Variants in ERCC2 observed in about 807,000 individuals in gnomAD.
ERCC2 encodes the protein ERCC excision repair 2, TFIIH core complex helicase subunit.
In ERCC2, 90 loss-of-function variants were observed where a neutral mutation model predicts 99.4. That is an observed-to-expected ratio of 0.91 (90% CI 0.76 to 1.08). The LOEUF is 1.08. ERCC2 is among the 50% of genes least tolerant of loss of function. The probability of loss-of-function intolerance (pLI) is 0.00; values close to 1 mark genes in which losing one functional copy is unlikely to be tolerated. For synonymous variants in ERCC2, 497 were observed against 432.4 expected (o/e 1.15, Z -1.85); for missense variants, 993 against 1,038.1 (o/e 0.96, Z 0.60).
At position 45,350,802 on chromosome 19, in the gene ERCC2, ACC is replaced by A. The variant is rs1340007584; in HGVS notation, c.*825_*826del. ...CTGACATCAGCAGAATCCACAGCCC[ACC>A]CCACCCCCACCCCCATCTTGCTCAA... On this transcript the variant is annotated 3_prime_UTR_variant, in exon 23 of 23. Coordinates refer to ENST00000391945, the MANE Select transcript of ERCC2 (RefSeq NM_000400.4). 1.2e-6 allele frequency: 1 copy of A among 821,430 alleles called. No individual in the cohort carries two copies. The highest frequency in any genetic ancestry group is 1.8e-6 in the Non-Finnish European group (1 of 546,218). 50.9% of individuals were successfully genotyped at this position (821,430 alleles called of 1,614,324 possible). A position where few individuals can be genotyped will look rare whatever the true frequency, so the allele number is the denominator to read the frequency against.
intron 5 of ERCC2, among the ~76,000 whole-genome samples, chr19:45,366,896 G>A (rs183430204): frequency 2.0e-5 from 3 of 152,186 alleles, no homozygotes; most frequent in Admixed American, 6.6e-5. Context: ...CTAGCAGGGC[G>A]TGGTGGTGGG....
chr19:45,369,620 A>G (rs1409477935), intron 2 of ERCC2, among the ~76,000 whole-genome samples: 1 of 152,216 alleles, frequency 6.6e-6, no homozygotes, highest in Non-Finnish European at 1.5e-5. Flanking sequence ...CATGACTATG[A>G]GGATTGTGAG....
rs901892866 is a variant in ERCC2, at chr19:45,354,865, G to T, written c.1544-14C>A. On this transcript the variant is annotated splice_polypyrimidine_tract_variant and intron_variant, in intron 16 of 22. Transcript: ENST00000391945. ...TCCGGATCACAGCTGCAAGGGGTCA[G>T]AGGTTGGGCCCTCTCCTGGCCCAGG... 1.2e-6 allele frequency: 2 copies of T among 1,613,872 alleles called. No individual in the cohort carries two copies. The highest frequency in any genetic ancestry group is 1.7e-6 in the Non-Finnish European group (2 of 1,179,850).
intron 17 of ERCC2, among the ~76,000 whole-genome samples, chr19:45,353,745 C>A (rs1160780768): frequency 6.6e-6 from 1 of 152,198 alleles, no homozygotes; most frequent in Non-Finnish European, 1.5e-5. Context: ...CACACAGCCA[C>A]CTGTGCAGTT....
At chr19:45,359,309 G>A (rs1411195670) in intron 12 of ERCC2, among the ~76,000 whole-genome samples, 1 of 152,206 alleles carries the variant, frequency 6.6e-6, no homozygotes, top group Non-Finnish European at 1.5e-5. Context: ...CAAAGGTAGG[G>A]ATGGAAGATG....
At chr19:45,351,870 A>C (rs963564363) in intron 22 of ERCC2, 149 bp from the exon 23 acceptor site, 3 of 731,486 alleles carry the variant, frequency 4.1e-6, no homozygotes, top group Non-Finnish European at 2.3e-6. Context: ...AGAGCGGGCC[A>C]TCCCTGTCAA....
Position 45,350,182 on chromosome 19 carries a change from GAGGCCA to G in ERCC2, c.*1441_*1446del, listed in dbSNP as rs1289431423. On this transcript the variant is annotated 3_prime_UTR_variant, in exon 23 of 23. Transcript: ENST00000391945. ...CACGCTTGTAACCCCAACACTTTGG[GAGGCCA>G]AGGCAGGAGGATCACTTGAGGCTAG... 7.2e-5 allele frequency: 45 copies of G among 620,874 alleles called. No individual in the cohort carries two copies. The highest frequency in any genetic ancestry group is 1.2e-4 in the Non-Finnish European group (44 of 355,604). 38.5% of individuals were successfully genotyped at this position (620,874 alleles called of 1,614,324 possible).
rs1000022619 is a variant in ERCC2 at position 45,350,114 on chromosome 19, G to A, written c.*1515C>T. The stretch of plus-strand genomic sequence containing the variant: ...AAGGCTTTAGGCAGGGGAAGGATAC[G>A]GCCAGGTCAGCACATTAGAAAGTGG... On this transcript the variant is annotated 3_prime_UTR_variant, in exon 23 of 23. Coordinates refer to ENST00000391945, the MANE Select transcript of ERCC2 (RefSeq NM_000400.4). The A allele has an allele frequency of 2.7e-4, 148 of 557,170 alleles. No individual in the cohort carries two copies. Among genetic ancestry groups the A allele is most frequent in the Non-Finnish European group, 4.0e-4 (125 of 311,538 alleles). 34.5% of individuals were successfully genotyped at this position (557,170 alleles called of 1,614,324 possible).
chr19:45,352,057 C>A, intron 22 of ERCC2, 152 bp downstream of exon 22: 1 of 953,748 alleles, frequency 1.0e-6, no homozygotes, highest in South Asian at 1.5e-5. Context: ...CCCTTCCCCC[C>A]AGAGCCTGGC....
rs976502426 is a variant in ERCC2, at chr19:45,352,104, AGGAGGACAGGCAGGCTGAGGGTG to A, written c.2190+82_2190+104del. ...CGATAAACTTCTCTTTGCTGAGGGC[AGGAGGACAGGCAGGCTGAGGGTG>A]GGGAGTGGGGAGAATCCAAGGGGAC... On this transcript the variant is annotated intron_variant, in intron 22 of 22. Coordinates refer to ENST00000391945, the MANE Select transcript of ERCC2 (RefSeq NM_000400.4). 98 of 1,294,792 alleles carry A rather than the reference AGGAGGACAGGCAGGCTGAGGGTG, an allele frequency of 7.6e-5. No individual in the cohort carries two copies. The African/African-American group carries it at 1.2e-3, about 16-fold the overall frequency. 80.2% of individuals were successfully genotyped at this position (1,294,792 alleles called of 1,614,324 possible). A position where few individuals can be genotyped will look rare whatever the true frequency, so the allele number is the denominator to read the frequency against.
At position 45,363,858 on chromosome 19, in the gene ERCC2, G is replaced by A. The variant is rs754447250; in HGVS notation, c.1003C>T (p.Arg335Trp). ...TAEHFLGFLRRLLEYVKWRLR... is the reference protein window; with the variant it reads ...TAEHFLGFLRWLLEYVKWRLR... Reference sequence around the variant, plus strand: ...CGCCACTTCACGTACTCCAGCAGCCGCCTCAGGAAGCCCAGGAAATGCTCG... The same window carrying A: ...CGCCACTTCACGTACTCCAGCAGCCACCTCAGGAAGCCCAGGAAATGCTCG... The change falls in exon 11 of 23, where the codon CGG (arginine) becomes TGG (tryptophan). Residue 335 changes from arginine to tryptophan, a missense_variant. This residue lies in a region of ERCC2 where 909 missense variants were observed against 930.8 expected (regional missense o/e 0.98). Coordinates refer to ENST00000391945, the MANE Select transcript of ERCC2 (RefSeq NM_000400.4). 3.2e-6 allele frequency: 5 copies of A among 1,550,992 alleles called. No homozygotes were observed. Among genetic ancestry groups the A allele is most frequent in the South Asian group, 2.3e-5 (2 of 85,200 alleles).
At chr19:45,359,198 G>A (rs142754979) in intron 12 of ERCC2, among the ~76,000 whole-genome samples, 2 of 152,302 alleles carry the variant, frequency 1.3e-5, no homozygotes, top group African/African-American at 2.4e-5. Context: ...AGAACCTAAG[G>A]ATGAGGGGGA....
chr19:45,353,120 T>A lies in ERCC2; in HGVS notation c.1794A>T (p.Ser598=). ...CENGRGAILL[S]VARGKVSEGI... The stretch of plus-strand genomic sequence containing the variant: ...CCTCGGACACTTTGCCCCGGGCCAC[T>A]GACAGCAGGATGGCCCCGCGGCCAT... The change falls in exon 19 of 23, where the codon TCA becomes TCT. Residue 598 remains serine, a synonymous_variant. Coordinates refer to ENST00000391945, the MANE Select transcript of ERCC2 (RefSeq NM_000400.4). The A allele has an allele frequency of 6.2e-7, 1 of 1,613,576 alleles. No individual in the cohort carries two copies. Among genetic ancestry groups the A allele is most frequent in the Non-Finnish European group, 8.5e-7 (1 of 1,179,852 alleles).
In ERCC2 at chr19:45,350,850, C is replaced by A. The variant is rs1199341072; in HGVS notation, c.*779G>T. The stretch of plus-strand genomic sequence containing the variant: ...CTCAAGAACCTTCCATGGCTCCCAT[C>A]TCCCCTGTGATACACACAGATCAAA... On this transcript the variant is annotated 3_prime_UTR_variant, in exon 23 of 23. Coordinates refer to ENST00000391945, the MANE Select transcript of ERCC2 (RefSeq NM_000400.4). 12 of 1,267,256 alleles carry A rather than the reference C, an allele frequency of 9.5e-6. No individual in the cohort carries two copies. In the Admixed American group the frequency reaches 1.9e-4, roughly 20 times the overall value. The allele number at this position is 1,267,256 out of a possible 1,614,324, so 78.5% of individuals were successfully genotyped here. A position where few individuals can be genotyped will look rare whatever the true frequency, so the allele number is the denominator to read the frequency against.
intron 22 of ERCC2, among the ~76,000 whole-genome samples, chr19:45,351,938 CCA>C (rs895390582): frequency 1.4e-4 from 21 of 152,186 alleles, no homozygotes; most frequent in African/African-American, 5.1e-4. Flanking sequence ...CCGGCTTTCT[CCA>C]GGCCAGCACC....
intron 19 of ERCC2, 98 bp from the exon 20 acceptor site, chr19:45,352,914 G>C (rs1419869125): frequency 7.7e-7 from 1 of 1,303,946 alleles, no homozygotes; most frequent in Non-Finnish European, 1.1e-6. Context: ...TGAGTTGGGG[G>C]GAGAGGGTGT....
At position 45,350,647 on chromosome 19, in the gene ERCC2, C is replaced by T. The variant is rs201950695; in HGVS notation, c.*982G>A. 89 of 1,613,644 alleles carry T rather than the reference C, an allele frequency of 5.5e-5. No homozygotes were observed. The Middle Eastern group carries it at 8.3e-4, about 15-fold the overall frequency. ...ATCCCCGGCCCCTCCCCAGGCCCTT[C>T]GCCGCAGCAGCTCACTCTCCAAGAT... On this transcript the variant is annotated 3_prime_UTR_variant, in exon 23 of 23. Coordinates refer to ENST00000391945, the MANE Select transcript of ERCC2 (RefSeq NM_000400.4).
chr19:45,364,230 C>G lies in ERCC2; in HGVS notation c.815+5G>C. The G allele has an allele frequency of 6.2e-7, 1 of 1,613,392 alleles. No homozygotes were observed. On this transcript the variant is annotated splice_donor_5th_base_variant and intron_variant, in intron 9 of 22. Coordinates refer to ENST00000391945, the MANE Select transcript of ERCC2 (RefSeq NM_000400.4). ...GGCACCACCGCCAGACGTCCCCGGC[C>G]CCACCTGAGCACCGTCTTCTGCAGG...
chr19:45,350,825 C>A lies in ERCC2; in HGVS notation c.*804G>T. 1 of 1,096,970 alleles carries A rather than the reference C, an allele frequency of 9.1e-7. No homozygotes were observed. Among genetic ancestry groups the A allele is most frequent in the Non-Finnish European group, 1.3e-6 (1 of 757,172 alleles). The allele number at this position is 1,096,970 out of a possible 1,614,324, so 68.0% of individuals were successfully genotyped here. A position where few individuals can be genotyped will look rare whatever the true frequency, so the allele number is the denominator to read the frequency against. ...CCACCCCACCCCCACCCCCATCTTG[C>A]TCAAGAACCTTCCATGGCTCCCATC... On this transcript the variant is annotated 3_prime_UTR_variant, in exon 23 of 23. Coordinates refer to ENST00000391945, the MANE Select transcript of ERCC2 (RefSeq NM_000400.4).
Sources: allele counts gnomAD v4.1 joint callset (sites outside exome capture counted in the v4.1 genomes callset), GRCh38; gene constraint gnomAD v4.1.1; regional missense constraint gnomAD v4.1.1; transcripts MANE v1.5; gene names NCBI Gene and HGNC (gene_info 2026-07-23, HGNC 2026-07-21).